The following EPC1 variants were observed in gnomAD, a reference collection of about 807,000 sequenced individuals.
EPC1 encodes enhancer of polycomb homolog 1.
Under a neutral mutation model 98.4 loss-of-function variants are expected in EPC1, and 12 were observed. The ratio of observed to expected loss-of-function variants is 0.12; its 90% confidence interval spans 0.08 to 0.20. EPC1 has a LOEUF of 0.20. Ranked by LOEUF, EPC1 falls within the 10% of genes least tolerant of loss-of-function variation. EPC1 has a pLI of 1.00. For missense variants in EPC1, 729 were observed against 990.5 expected (o/e 0.74, Z 3.54); for synonymous variants, 357 against 363.9 (o/e 0.98, Z 0.21).
At chr10:32,292,377 C>A in intron 5 of EPC1, 119 bp downstream of exon 5, 1 of 707,770 alleles carries the variant, frequency 1.4e-6, no homozygotes, top group Non-Finnish European at 2.1e-6. Flanking sequence ...TATTTAAAGT[C>A]TCTATTATTA....
intron 1 of EPC1, among the ~76,000 whole-genome samples, chr10:32,327,920 A>G: frequency 6.6e-6 from 1 of 152,234 alleles, no homozygotes; most frequent in East Asian, 1.9e-4. Context: ...CTACGTGCCA[A>G]TTTTAAAAAC....
rs1331912856 is a variant in EPC1 at position 32,286,786 on chromosome 10, T to C, written c.1299A>G (p.Leu433=). ...WPWTSPKDGG[L]GDVRYRYCLT... is the part of the protein sequence containing the mutation. ...AGCAGTATCTATATCGCACATCCCC[T>C]AATCCTCCATCTTTAGGACTAGTCC... Residue 433 remains leucine (L), a synonymous_variant, in exon 9 of 14, where the codon TTA becomes TTG. Coordinates refer to ENST00000319778, the MANE Select transcript of EPC1 (RefSeq NM_001272004.3). The C allele has an allele frequency of 6.2e-7, 1 of 1,614,162 alleles. No individual in the cohort carries two copies. The highest frequency in any genetic ancestry group is 1.7e-5 in the Admixed American group (1 of 60,018).
intron 1 of EPC1, among the ~76,000 whole-genome samples, chr10:32,341,586 C>A (rs1269809201): frequency 2.0e-5 from 3 of 152,142 alleles, no homozygotes; most frequent in Non-Finnish European, 4.4e-5. Flanking sequence ...AATGCCATTG[C>A]TGATCATGAA....
chr10:32,373,359 G>C (rs889990020), intron 1 of EPC1, among the ~76,000 whole-genome samples: 9 of 152,132 alleles, frequency 5.9e-5, no homozygotes, highest in African/African-American at 2.2e-4. Flanking sequence ...TAGCCCACAA[G>C]TGACATATCT....
At chr10:32,375,942 A>G (rs1428962286) in intron 1 of EPC1, among the ~76,000 whole-genome samples, 1 of 152,126 alleles carries the variant, frequency 6.6e-6, no homozygotes, top group African/African-American at 2.4e-5. Flanking sequence ...CTCATGAACT[A>G]CATTTCTATA....
At chr10:32,316,565 G>A (rs956751054) in intron 1 of EPC1, among the ~76,000 whole-genome samples, 5 of 152,058 alleles carry the variant, frequency 3.3e-5, no homozygotes, top group Admixed American at 6.6e-5. Context: ...AAATAGCTTC[G>A]CACAAAGTAC....
intron 13 of EPC1, chr10:32,269,490 T>A (rs1465856530): frequency 4.4e-6 from 1 of 229,316 alleles, no homozygotes; most frequent in East Asian, 1.3e-4. Flanking sequence ...ATAACTGAGA[T>A]TTGTGTCAGG....
Position 32,368,420 on chromosome 10 carries a change from C to T in EPC1, c.3+10071G>A, listed in dbSNP as rs1052159877. ...GTGTGTTCTTCCATCTTTGCCTGTG[C>T]CCACACTGCTTTCTCTACCTGGAAG... On this transcript the variant is annotated intron_variant, in intron 1 of 13. Coordinates refer to the EPC1 transcript ENST00000375110. 5.3e-5 allele frequency among the ~76,000 whole-genome samples: 8 copies of T among 152,268 alleles called. No individual in the cohort carries two copies. The Middle Eastern group carries it at 0.01, about 194-fold the overall frequency.
At chr10:32,287,397 CA>C in intron 6 of EPC1, 123 bp from the exon 7 acceptor site, 1 of 942,394 alleles carries the variant, frequency 1.1e-6, no homozygotes, top group South Asian at 1.6e-5. Context: ...ATAAGAGACA[CA>C]ACACTCTATG....
intron 2 of EPC1, among the ~76,000 whole-genome samples, chr10:32,303,629 G>A (rs1162643467): frequency 6.6e-6 from 1 of 152,220 alleles, no homozygotes; most frequent in African/African-American, 2.4e-5. Context: ...ATGAGTGATG[G>A]TCAGGGGATG....
Position 32,269,096 on chromosome 10 carries a change from T to C in EPC1, c.2409A>G (p.Ile803Met), listed in dbSNP as rs1248199849. 1 of 1,614,080 alleles carries C rather than the reference T, an allele frequency of 6.2e-7. No homozygotes were observed. The highest frequency in any genetic ancestry group is 8.5e-7 in the Non-Finnish European group (1 of 1,179,950). The change falls in exon 14 of 14, where the codon ATA becomes ATG. Residue 803 changes from isoleucine to methionine, a missense_variant. This residue lies in a region of EPC1 where 156 missense variants were observed against 188.9 expected (regional missense o/e 0.83). Transcript: ENST00000319778. ...HESEKPALNNIADNTVAMEVT is the reference protein window; with the variant it reads ...HESEKPALNNMADNTVAMEVT ...CCTCCATCGCTACTGTGTTGTCTGCTATGTTGTTCAGTGCTGGCTTTTCTG... is the reference window on the plus strand; with the variant it reads ...CCTCCATCGCTACTGTGTTGTCTGCCATGTTGTTCAGTGCTGGCTTTTCTG...
At chr10:32,341,350 CTA>C (rs1345056615) in intron 1 of EPC1, among the ~76,000 whole-genome samples, 2 of 97,442 alleles carry the variant, frequency 2.1e-5, no homozygotes, top group African/African-American at 6.2e-5. Context: ...TGTATAGATT[CTA>C]TGTTTCTACC....
intron 10 of EPC1, among the ~76,000 whole-genome samples, chr10:32,277,069 G>T (rs1193283301): frequency 6.6e-6 from 1 of 152,096 alleles, no homozygotes; most frequent in Non-Finnish European, 1.5e-5. Flanking sequence ...AAGGAAAAGA[G>T]AACCCCAAAG....
intron 2 of EPC1, among the ~76,000 whole-genome samples, chr10:32,305,345 C>A (rs1835813687): frequency 1.3e-5 from 2 of 152,196 alleles, no homozygotes; most frequent in Non-Finnish European, 2.9e-5. Context: ...AACAGCAGAA[C>A]TGAATAGTTG....
chr10:32,290,483 C>CAAAGAAAAAAAAAAAAAAAAAAAAAAA (rs1836935766), intron 6 of EPC1, among the ~76,000 whole-genome samples: 1 of 40,160 alleles, frequency 2.5e-5, no homozygotes, highest in African/African-American at 1.3e-4. Flanking sequence ...AAGACTCTGT[C>CAAAGAAAAAAAAAAAAAAAAAAAAAAA]AAAAAAAAAA....
chr10:32,319,844 T>G (rs951778922), intron 1 of EPC1, among the ~76,000 whole-genome samples: 4 of 151,976 alleles, frequency 2.6e-5, no homozygotes, highest in Non-Finnish European at 5.9e-5. Flanking sequence ...ACCTGGCTAA[T>G]TTTTTTGTAT....
intron 2 of EPC1, among the ~76,000 whole-genome samples, chr10:32,296,920 A>T (rs1411854471): frequency 1.3e-5 from 2 of 151,602 alleles, no homozygotes; most frequent in Non-Finnish European, 2.9e-5. Flanking sequence ...AAAAAAAAAA[A>T]TTATTAAATA....
At chr10:32,377,650 G>C (rs1322743141) in intron 1 of EPC1, among the ~76,000 whole-genome samples, 1 of 151,858 alleles carries the variant, frequency 6.6e-6, no homozygotes, top group Non-Finnish European at 1.5e-5. Context: ...CTTTCTTTAA[G>C]AAAATAAAGG....
chr10:32,362,020 C>A (rs1055507830), intron 1 of EPC1, among the ~76,000 whole-genome samples: 9 of 152,198 alleles, frequency 5.9e-5, no homozygotes, highest in Non-Finnish European at 1.2e-4. Context: ...CAGGAAGTTA[C>A]CCTATATGCT....
Sources: allele counts gnomAD v4.1 joint callset (sites outside exome capture counted in the v4.1 genomes callset), GRCh38; gene constraint gnomAD v4.1.1; regional missense constraint gnomAD v4.1.1; transcripts MANE v1.5; gene names NCBI Gene and HGNC (gene_info 2026-07-23, HGNC 2026-07-21).